CSMD1: variants seen among roughly 807,000 people sequenced by gnomAD.
CSMD1 encodes CUB and sushi domain-containing protein 1.
In CSMD1, 213 loss-of-function variants were observed where a neutral mutation model predicts 417.5. The observed-to-expected ratio is 0.51, with a 90% CI of 0.46 to 0.57. CSMD1 has a LOEUF of 0.57. Ranked by LOEUF, CSMD1 falls within the 20% of genes least tolerant of loss-of-function variation. CSMD1 has a pLI of 0.00. For missense variants in CSMD1, 6,923 were observed against 4,529.7 expected, an observed-to-expected ratio of 1.53 and a Z score of -15.17; for synonymous variants, 2,862 against 1,736.8, an observed-to-expected ratio of 1.65 and a Z score of -16.11.
chr8:4,932,610 A>G (rs116693176), intron 1 of CSMD1, among the ~76,000 whole-genome samples: 2,250 of 152,286 alleles, frequency 0.015, 48 homozygotes, highest in African/African-American at 0.052. Flanking sequence ...AATAGACCCA[A>G]CAGGGTAGCA....
At chr8:3,830,623 T>C (rs528758535) in intron 5 of CSMD1, among the ~76,000 whole-genome samples, 1 of 152,236 alleles carries the variant, frequency 6.6e-6, no homozygotes, top group Non-Finnish European at 1.5e-5. Flanking sequence ...AATATTGATT[T>C]AATGCTCTGC....
intron 1 of CSMD1, among the ~76,000 whole-genome samples, chr8:4,774,997 A>G (rs1188757452): frequency 6.6e-6 from 1 of 152,196 alleles, no homozygotes; most frequent in Non-Finnish European, 1.5e-5. Flanking sequence ...AGCCTCAGGT[A>G]TTTCTTTAAA....
rs552816270 is a variant in CSMD1 at position 3,388,316 on chromosome 8, A to G, written c.2594-634T>C. On this transcript the variant is annotated intron_variant, in intron 17 of 69. Transcript: ENST00000635120. Reference sequence around the variant, plus strand: ...TAATGTGCATGAAGTAATTATGATCATATCATTATGAGAGTTTCTTTTCTC... The same window carrying G: ...TAATGTGCATGAAGTAATTATGATCGTATCATTATGAGAGTTTCTTTTCTC... Among the ~76,000 whole-genome samples the G allele has an allele frequency of 2.6e-5, 4 of 152,336 alleles. No homozygotes were observed. In the East Asian group the frequency reaches 7.7e-4, roughly 29 times the overall value.
At chr8:4,152,110 C>A (rs181105305) in intron 3 of CSMD1, among the ~76,000 whole-genome samples, 3 of 152,092 alleles carry the variant, frequency 2.0e-5, no homozygotes, top group East Asian at 1.9e-4. Context: ...GGGTAATATA[C>A]AGGAAATTGT....
intron 3 of CSMD1, among the ~76,000 whole-genome samples, chr8:4,248,738 GACATT>G (rs1802862247): frequency 6.6e-6 from 1 of 152,084 alleles, no homozygotes; most frequent in Non-Finnish European, 1.5e-5. Context: ...TCTATCAACT[GACATT>G]ACATTACACT....
chr8:4,442,834 C>T (rs562583558), intron 2 of CSMD1, among the ~76,000 whole-genome samples: 16 of 152,154 alleles, frequency 1.1e-4, no homozygotes, highest in African/African-American at 3.6e-4. Flanking sequence ...TGTAAGTTGC[C>T]TTTATTTACA....
intron 10 of CSMD1, among the ~76,000 whole-genome samples, chr8:3,569,884 T>G (rs1369672692): frequency 6.6e-6 from 1 of 152,172 alleles, no homozygotes; most frequent in African/African-American, 2.4e-5. Flanking sequence ...GTTTCTTCTC[T>G]GAACATTTCT....
chr8:4,367,987 T>G (rs557552493), intron 3 of CSMD1, among the ~76,000 whole-genome samples: 1 of 152,036 alleles, frequency 6.6e-6, no homozygotes, highest in Non-Finnish European at 1.5e-5. Flanking sequence ...TAGAGTTACA[T>G]TGTCAGTGAA....
At chr8:3,242,648 G>A (rs1435054545) in intron 26 of CSMD1, among the ~76,000 whole-genome samples, 1 of 152,006 alleles carries the variant, frequency 6.6e-6, no homozygotes, top group Non-Finnish European at 1.5e-5. Context: ...AGAGGTTTTA[G>A]GTTTTTAAGA....
chr8:3,482,307 T>A (rs995872142), intron 11 of CSMD1, among the ~76,000 whole-genome samples: 1 of 152,046 alleles, frequency 6.6e-6, no homozygotes, highest in African/African-American at 2.4e-5. Flanking sequence ...GACCCAGGCA[T>A]ATTGATAGTA....
intron 5 of CSMD1, among the ~76,000 whole-genome samples, chr8:3,761,368 G>A (rs1437977984): frequency 1.3e-5 from 2 of 151,746 alleles, no homozygotes; most frequent in Non-Finnish European, 2.9e-5. Flanking sequence ...CAAAAGTTTT[G>A]TGCACACGTA....
At chr8:3,905,840 G>T (rs1808071204) in intron 5 of CSMD1, among the ~76,000 whole-genome samples, 1 of 152,170 alleles carries the variant, frequency 6.6e-6, no homozygotes, top group Non-Finnish European at 1.5e-5. Flanking sequence ...TGGCATTCTA[G>T]TTCCTTCCGG....
At chr8:4,041,732 T>C (rs1028962151) in intron 3 of CSMD1, among the ~76,000 whole-genome samples, 7 of 152,184 alleles carry the variant, frequency 4.6e-5, no homozygotes, top group African/African-American at 1.7e-4. Context: ...TAGAACTGTA[T>C]GCCCTGTTCT....
chr8:4,335,030 T>C (rs1412214435), intron 3 of CSMD1, among the ~76,000 whole-genome samples: 1 of 152,080 alleles, frequency 6.6e-6, no homozygotes, highest in East Asian at 1.9e-4. Context: ...GCCTCCTTAG[T>C]AGCTGGGACC....
At chr8:4,142,965 T>C (rs909954484) in intron 3 of CSMD1, among the ~76,000 whole-genome samples, 11 of 148,794 alleles carry the variant, frequency 7.4e-5, no homozygotes, top group Non-Finnish European at 1.3e-4. Context: ...CCAGAAACTA[T>C]CAGATGCTTA....
chr8:4,273,353 G>A (rs978616655), intron 3 of CSMD1, among the ~76,000 whole-genome samples: 4 of 151,966 alleles, frequency 2.6e-5, no homozygotes, highest in Non-Finnish European at 4.4e-5. Flanking sequence ...TCATATTTAC[G>A]GGTAATTCGA....
chr8:4,974,772 T>C (rs1810449057), intron 1 of CSMD1, among the ~76,000 whole-genome samples: 1 of 152,174 alleles, frequency 6.6e-6, no homozygotes, highest in Non-Finnish European at 1.5e-5. Flanking sequence ...TTTTTGAGCC[T>C]CAAATCTTTG....
chr8:4,350,998 A>T (rs188710095), intron 3 of CSMD1, among the ~76,000 whole-genome samples: 3 of 152,194 alleles, frequency 2.0e-5, no homozygotes, highest in African/African-American at 7.2e-5. Context: ...TCTCTGCTTA[A>T]TCGAAATTAA....
intron 5 of CSMD1, among the ~76,000 whole-genome samples, chr8:3,978,452 C>T (rs1213268538): frequency 6.6e-6 from 1 of 152,220 alleles, no homozygotes; most frequent in East Asian, 1.9e-4. Flanking sequence ...CCTACCAATA[C>T]AGGCATTATT....
Sources: allele counts gnomAD v4.1 joint callset (sites outside exome capture counted in the v4.1 genomes callset), GRCh38; gene constraint gnomAD v4.1.1; transcripts MANE v1.5; gene names NCBI Gene and HGNC (gene_info 2026-07-23, HGNC 2026-07-21).